ARK2C: variants seen among roughly 807,000 people sequenced by gnomAD.
The protein encoded by ARK2C is arkadia (RNF111) C-terminal like ring finger ubiquitin ligase 2C.
At chr18:46,433,149 G>T in the ARK2C span, 1 of 1,490,980 alleles carries the variant, frequency 6.7e-7, no homozygotes. Context: ...GCGGCCGCTC[G>T]TGCTGGTCGT....
chr18:46,398,184 A>G, the ARK2C span, among the ~76,000 whole-genome samples: 713 of 48,462 alleles, frequency 0.015, no homozygotes, highest in Middle Eastern at 0.018. Context: ...CATGTGGTGT[A>G]TGTGTGTGGT....
At chr18:46,430,222 G>T in the ARK2C span, among the ~76,000 whole-genome samples, 382 of 152,236 alleles carry the variant, frequency 2.5e-3, 2 homozygotes, top group African/African-American at 8.5e-3. Flanking sequence ...TAATGGTTTG[G>T]CTGGGCAGAT....
the ARK2C span, among the ~76,000 whole-genome samples, chr18:46,338,569 C>T: frequency 5.9e-5 from 9 of 152,112 alleles, no homozygotes; most frequent in African/African-American, 2.4e-5. Flanking sequence ...GGAGTAAAGT[C>T]AGGACCTAAC....
At chr18:46,408,120 C>G in the ARK2C span, among the ~76,000 whole-genome samples, 4 of 152,086 alleles carry the variant, frequency 2.6e-5, no homozygotes, top group African/African-American at 9.7e-5. Flanking sequence ...TCAGATAGGT[C>G]GGGGCAGTGG....
chr18:46,383,849 C>T, the ARK2C span, among the ~76,000 whole-genome samples: 1 of 152,106 alleles, frequency 6.6e-6, no homozygotes, highest in Non-Finnish European at 1.5e-5. Flanking sequence ...CCGCGCCCGG[C>T]CACCATGTTG....
At chr18:46,354,494 GT>G in the ARK2C span, among the ~76,000 whole-genome samples, 3 of 152,236 alleles carry the variant, frequency 2.0e-5, no homozygotes, top group Admixed American at 6.5e-5. Flanking sequence ...ACAAGATGGA[GT>G]TCTCAGCTCC....
At chr18:46,454,530 G>A in the ARK2C span, among the ~76,000 whole-genome samples, 29 of 152,306 alleles carry the variant, frequency 1.9e-4, no homozygotes, top group South Asian at 1.2e-3. Context: ...AGGGCACAGC[G>A]AGGCAGAGAG....
chr18:46,448,040 C>G, the ARK2C span, among the ~76,000 whole-genome samples: 1 of 151,384 alleles, frequency 6.6e-6, no homozygotes, highest in Non-Finnish European at 1.5e-5. Flanking sequence ...CCTAGCTCCC[C>G]TGTGTTCTCA....
At chr18:46,428,555 T>C in the ARK2C span, among the ~76,000 whole-genome samples, 1 of 152,222 alleles carries the variant, frequency 6.6e-6, no homozygotes, top group East Asian at 1.9e-4. Flanking sequence ...AGTTGGCTTT[T>C]TTCCTATAGA....
At chr18:46,399,727 G>A in the ARK2C span, among the ~76,000 whole-genome samples, 178 of 152,308 alleles carry the variant, frequency 1.2e-3, no homozygotes, top group African/African-American at 4.1e-3. Context: ...CTGAGAGGCA[G>A]AGGAGGACAG....
chr18:46,459,708 C>G, the ARK2C span: 1 of 153,124 alleles, frequency 6.5e-6, no homozygotes, highest in Non-Finnish European at 1.5e-5. Flanking sequence ...CAAGAGAGGG[C>G]CAGGGTCTGT....
chr18:46,336,201 A>C, the ARK2C span: 1 of 985,394 alleles, frequency 1.0e-6, no homozygotes, highest in African/African-American at 1.7e-5. Context: ...GAAATTCAAA[A>C]ATGATTAAGA....
At chr18:46,377,899 G>T in the ARK2C span, among the ~76,000 whole-genome samples, 8 of 152,142 alleles carry the variant, frequency 5.3e-5, no homozygotes, top group Admixed American at 5.2e-4. Flanking sequence ...GGTAGGACTT[G>T]GCATCACCAA....
chr18:46,421,365 ATCATTCATTCAT>A, the ARK2C span, among the ~76,000 whole-genome samples: 5 of 151,580 alleles, frequency 3.3e-5, no homozygotes, highest in African/African-American at 4.8e-5. Flanking sequence ...CCTGTTCGTG[ATCATTCATTCAT>A]TCATTCATTC....
the ARK2C span, among the ~76,000 whole-genome samples, chr18:46,339,659 C>A: frequency 6.6e-6 from 1 of 152,228 alleles, no homozygotes. Context: ...TAAGATGGAA[C>A]ACAGTTCTTC....
the ARK2C span, among the ~76,000 whole-genome samples, chr18:46,381,706 T>C: frequency 6.6e-6 from 1 of 152,088 alleles, no homozygotes; most frequent in Admixed American, 6.6e-5. Flanking sequence ...TAGCAAGTGC[T>C]TGTAGTCCCA....
chr18:46,375,717 T>C, the ARK2C span, among the ~76,000 whole-genome samples: 1 of 152,054 alleles, frequency 6.6e-6, no homozygotes, highest in African/African-American at 2.4e-5. Flanking sequence ...TATGTTAAGG[T>C]GAGACCCCAT....
At chr18:46,420,520 C>T in the ARK2C span, among the ~76,000 whole-genome samples, 1 of 152,162 alleles carries the variant, frequency 6.6e-6, no homozygotes, top group Non-Finnish European at 1.5e-5. Flanking sequence ...CTAACGTGGT[C>T]CAGGTAGCCA....
At chr18:46,377,997 G>A in the ARK2C span, among the ~76,000 whole-genome samples, 7 of 152,160 alleles carry the variant, frequency 4.6e-5, no homozygotes, top group South Asian at 1.0e-3. Context: ...GAGAGGAGGG[G>A]TGGGTTTAAG....
Sources: allele counts gnomAD v4.1 joint callset (sites outside exome capture counted in the v4.1 genomes callset), GRCh38; gene constraint gnomAD v4.1.1; transcripts MANE v1.5; gene names NCBI Gene and HGNC (gene_info 2026-07-23, HGNC 2026-07-21).